The following TPST1 variants were observed in gnomAD, a reference collection of about 807,000 sequenced individuals.
TPST1 encodes the protein protein-tyrosine sulfotransferase 1.
A neutral mutation model predicts 34.8 loss-of-function variants in TPST1; 20 were observed. The observed-to-expected ratio is 0.57, with a 90% CI of 0.40 to 0.84. The LOEUF (loss-of-function observed/expected upper bound fraction) is 0.84, where lower values mean the gene tolerates loss of function less well. Ranked by LOEUF, TPST1 falls within the 40% of genes least tolerant of loss-of-function variation. TPST1 has a pLI of 0.00. For synonymous variants in TPST1, 152 were observed against 159.4 expected, an observed-to-expected ratio of 0.95 and a Z score of 0.35; for missense variants, 353 against 455.5, an observed-to-expected ratio of 0.78 and a Z score of 2.05.
chr7:66,330,770 A>G (rs181960706), intron 3 of TPST1, among the ~76,000 whole-genome samples: 16 of 152,314 alleles, frequency 1.1e-4, no homozygotes, highest in Non-Finnish European at 1.8e-4. Flanking sequence ...GGGCCCTATT[A>G]TTAGAACCTA....
At chr7:66,349,413 A>C (rs906306360) in intron 3 of TPST1, among the ~76,000 whole-genome samples, 2 of 152,188 alleles carry the variant, frequency 1.3e-5, no homozygotes, top group African/African-American at 4.8e-5. Flanking sequence ...TCTATTAAAA[A>C]TTCAAAAAAG....
chr7:66,201,645 C>T (rs1789036564), upstream of TPST1, among the ~76,000 whole-genome samples: 1 of 151,690 alleles, frequency 6.6e-6, no homozygotes, highest in African/African-American at 2.4e-5. Context: ...CAGCCGATAT[C>T]ATGCCACTGC....
intron 2 of TPST1, among the ~76,000 whole-genome samples, chr7:66,253,814 G>A (rs905403306): frequency 3.3e-5 from 5 of 151,532 alleles, no homozygotes; most frequent in African/African-American, 1.2e-4. Context: ...GAGGTGGGCG[G>A]ATCACTTGAG....
At chr7:66,301,894 GT>G (rs566227252) in intron 3 of TPST1, among the ~76,000 whole-genome samples, 103 of 152,170 alleles carry the variant, frequency 6.8e-4, no homozygotes, top group Non-Finnish European at 1.2e-3. Flanking sequence ...AGTGCATGTT[GT>G]TGGAAAAATG....
intron 3 of TPST1, among the ~76,000 whole-genome samples, chr7:66,305,256 T>C (rs1050558814): frequency 3.9e-5 from 6 of 152,228 alleles, no homozygotes; most frequent in African/African-American, 7.2e-5. Context: ...TCATTTTCTG[T>C]ACCTTTCATG....
intron 2 of TPST1, among the ~76,000 whole-genome samples, chr7:66,275,420 G>T (rs1790787966): frequency 6.6e-6 from 1 of 152,130 alleles, no homozygotes; most frequent in Non-Finnish European, 1.5e-5. Context: ...AGATATACCT[G>T]CACTCACATG....
At chr7:66,253,856 G>A (rs1234398952) in intron 2 of TPST1, among the ~76,000 whole-genome samples, 3 of 151,656 alleles carry the variant, frequency 2.0e-5, no homozygotes, top group South Asian at 2.1e-4. Flanking sequence ...TGGCCAACAC[G>A]GTGAAACGCC....
chr7:66,280,803 A>G (rs1350336438), intron 2 of TPST1, among the ~76,000 whole-genome samples: 1 of 152,188 alleles, frequency 6.6e-6, no homozygotes, highest in African/African-American at 2.4e-5. Flanking sequence ...TCATTACTTG[A>G]TGCTGAAATT....
intron 2 of TPST1, among the ~76,000 whole-genome samples, chr7:66,253,775 T>C (rs978526483): frequency 6.6e-6 from 1 of 151,304 alleles, no homozygotes; most frequent in African/African-American, 2.4e-5. Flanking sequence ...CGGTGGCTTA[T>C]GCCTATAATC....
chr7:66,345,098 GAGAA>G (rs1792317972), intron 3 of TPST1, among the ~76,000 whole-genome samples: 2 of 152,158 alleles, frequency 1.3e-5, no homozygotes, highest in Admixed American at 1.3e-4. Flanking sequence ...GAGGAAAAGA[GAGAA>G]AGGAATAGAA....
intron 1 of TPST1, among the ~76,000 whole-genome samples, chr7:66,209,049 G>C (rs896728879): frequency 2.6e-5 from 4 of 152,074 alleles, no homozygotes; most frequent in Non-Finnish European, 4.4e-5. Context: ...TTGGGAGACT[G>C]AGGCAGACGG....
At chr7:66,257,168 A>G (rs1173795353) in intron 2 of TPST1, among the ~76,000 whole-genome samples, 1 of 152,116 alleles carries the variant, frequency 6.6e-6, no homozygotes, top group Non-Finnish European at 1.5e-5. Flanking sequence ...GCTGGTTTCA[A>G]ACTCCTGGGC....
At chr7:66,351,075 C>T (rs1360337092) in intron 3 of TPST1, among the ~76,000 whole-genome samples, 3 of 152,168 alleles carry the variant, frequency 2.0e-5, no homozygotes, top group Non-Finnish European at 4.4e-5. Flanking sequence ...CCTCTCTCAG[C>T]TTCTCTCTCT....
At chr7:66,303,578 T>A (rs1483588650) in intron 3 of TPST1, among the ~76,000 whole-genome samples, 1 of 152,024 alleles carries the variant, frequency 6.6e-6, no homozygotes, top group African/African-American at 2.4e-5. Flanking sequence ...CCTGGCTAAT[T>A]TTTATATTTT....
chr7:66,248,013 T>G (rs1790186615), intron 2 of TPST1, among the ~76,000 whole-genome samples: 1 of 149,106 alleles, frequency 6.7e-6, no homozygotes, highest in Non-Finnish European at 1.5e-5. Flanking sequence ...AAAATATATT[T>G]TTGAAAAATA....
chr7:66,299,093 T>C (rs1309572401), intron 3 of TPST1, among the ~76,000 whole-genome samples: 1 of 150,180 alleles, frequency 6.7e-6, no homozygotes, highest in Non-Finnish European at 1.5e-5. Flanking sequence ...TCCACTGCAC[T>C]CCAGCCTGGG....
chr7:66,210,507 C>T (rs1483352395), intron 1 of TPST1, among the ~76,000 whole-genome samples: 4 of 152,158 alleles, frequency 2.6e-5, no homozygotes, highest in Non-Finnish European at 5.9e-5. Flanking sequence ...ATCGAGGCAT[C>T]CACAGGGATT....
At chr7:66,292,918 G>T (rs1791115139) in intron 3 of TPST1, among the ~76,000 whole-genome samples, 1 of 152,142 alleles carries the variant, frequency 6.6e-6, no homozygotes, top group African/African-American at 2.4e-5. Flanking sequence ...AAAAATTTGG[G>T]CCTAGTGGCC....
chr7:66,270,431 C>G (rs1040588956), intron 2 of TPST1, among the ~76,000 whole-genome samples: 1 of 152,198 alleles, frequency 6.6e-6, no homozygotes, highest in South Asian at 2.1e-4. Flanking sequence ...AAGTCCCCTC[C>G]TCTTCTCCCA....
Sources: allele counts gnomAD v4.1 joint callset (sites outside exome capture counted in the v4.1 genomes callset), GRCh38; gene constraint gnomAD v4.1.1; transcripts MANE v1.5; gene names NCBI Gene and HGNC (gene_info 2026-07-23, HGNC 2026-07-21).